Variants in RELN observed in about 807,000 individuals in gnomAD.
RELN encodes reelin.
A neutral mutation model predicts 427.6 loss-of-function variants in RELN; 108 were observed. The observed-to-expected ratio is 0.25, with a 90% CI of 0.22 to 0.30. The LOEUF (loss-of-function observed/expected upper bound fraction) is 0.30. Ranked by LOEUF, RELN falls within the 10% of genes least tolerant of loss-of-function variation. The pLI is 1.00. For missense variants in RELN, 3,715 were observed against 4,302.8 expected (o/e 0.86, Z 3.82); for synonymous variants, 1,524 against 1,513.4 (o/e 1.01, Z -0.16).
intron 46 of RELN, among the ~76,000 whole-genome samples, chr7:103,533,459 T>C (rs1829983475): frequency 6.6e-6 from 1 of 151,950 alleles, no homozygotes; most frequent in African/African-American, 2.4e-5. Flanking sequence ...ACTCTGAGAC[T>C]GGCATATTGT....
intron 1 of RELN, among the ~76,000 whole-genome samples, chr7:103,931,240 T>C (rs1795858232): frequency 4.6e-5 from 7 of 152,178 alleles, no homozygotes; most frequent in Admixed American, 4.6e-4. Flanking sequence ...GTCCAATATG[T>C]GAATACAAGG....
At chr7:103,675,195 C>G (rs1181981434) in intron 11 of RELN, among the ~76,000 whole-genome samples, 1 of 152,146 alleles carries the variant, frequency 6.6e-6, no homozygotes, top group Non-Finnish European at 1.5e-5. Flanking sequence ...AAAGACTCAG[C>G]ATACAAAATC....
chr7:103,964,785 A>C (rs2116801115), intron 1 of RELN, among the ~76,000 whole-genome samples: 1 of 152,338 alleles, frequency 6.6e-6, no homozygotes, highest in East Asian at 1.9e-4. Context: ...GTCCTCTAAA[A>C]TGGGACCACT....
intron 3 of RELN, among the ~76,000 whole-genome samples, chr7:103,777,781 C>T (rs1791781454): frequency 6.6e-6 from 1 of 152,004 alleles, no homozygotes. Flanking sequence ...TCCCCGTGGA[C>T]CCAAGTCTCT....
At chr7:103,594,592 G>A in intron 25 of RELN, 100 bp from the exon 26 acceptor site, 2 of 1,305,304 alleles carry the variant, frequency 1.5e-6, no homozygotes, top group Non-Finnish European at 2.2e-6. Context: ...GAAAAGTTTT[G>A]TTTGGTTTGA....
chr7:103,848,172 C>A (rs144975756), intron 2 of RELN, among the ~76,000 whole-genome samples: 1 of 152,262 alleles, frequency 6.6e-6, no homozygotes, highest in Non-Finnish European at 1.5e-5. Flanking sequence ...TTCATCACTT[C>A]TACTAGGGTT....
chr7:103,502,215 T>C (rs1829053226), intron 52 of RELN, among the ~76,000 whole-genome samples: 1 of 152,356 alleles, frequency 6.6e-6, no homozygotes, highest in South Asian at 2.1e-4. Flanking sequence ...TTCCTTAGTA[T>C]GTTAATTGAA....
At chr7:103,647,563 C>G (rs1832823093) in intron 16 of RELN, among the ~76,000 whole-genome samples, 1 of 146,450 alleles carries the variant, frequency 6.8e-6, no homozygotes, top group South Asian at 2.2e-4. Flanking sequence ...AGGACAAAAA[C>G]AAATGGAGAA....
chr7:103,611,120 G>A (rs1424384050), intron 21 of RELN, among the ~76,000 whole-genome samples: 2 of 152,146 alleles, frequency 1.3e-5, no homozygotes, highest in Non-Finnish European at 2.9e-5. Flanking sequence ...CTGGCATTTG[G>A]TAAAAATTAG....
chr7:103,580,288 G>A (rs144102097), intron 28 of RELN, among the ~76,000 whole-genome samples: 1 of 152,188 alleles, frequency 6.6e-6, no homozygotes, highest in Non-Finnish European at 1.5e-5. Flanking sequence ...TTTACTTGGG[G>A]TAAAGTAGAA....
rs55656324 is a variant in RELN at position 103,989,356 on chromosome 7, TGCCGCC to T, written c.-6_-1del. The T allele has an allele frequency of 3.6e-4, 504 of 1,408,074 alleles. 22 individuals carry two copies. Among genetic ancestry groups the T allele is most frequent in the African/African-American group, 3.3e-3 (213 of 64,970 alleles). 87.2% of individuals were successfully genotyped at this position (1,408,074 alleles called of 1,614,324 possible). A position where few individuals can be genotyped will look rare whatever the true frequency, so the allele number is the denominator to read the frequency against. The stretch of plus-strand genomic sequence containing the variant: ...TGCCGGGCCCAGCCACTGCGCTCCA[TGCCGCC>T]GCCGCCGCCGCCGCCGCCGCGCGCC... On this transcript the variant is annotated 5_prime_UTR_variant, in exon 1 of 65. Transcript: ENST00000428762. This position sits in a 1 kb window ranked among gnomAD's most constrained non-coding sequence, Gnocchi z 4.9.
chr7:103,917,224 T>G (rs780232357), intron 1 of RELN, 39 bp from the exon 2 acceptor site: 1 of 1,398,372 alleles, frequency 7.2e-7, no homozygotes, highest in Non-Finnish European at 1.0e-6. Flanking sequence ...CTCAATACAG[T>G]CAGAATAACA....
intron 29 of RELN, among the ~76,000 whole-genome samples, chr7:103,574,979 T>C (rs1195287332): frequency 6.6e-6 from 1 of 152,244 alleles, no homozygotes; most frequent in African/African-American, 2.4e-5. Flanking sequence ...TATCCTAAGA[T>C]GCATTTTTAT....
intron 1 of RELN, among the ~76,000 whole-genome samples, chr7:103,971,822 C>T (rs1761633737): frequency 6.8e-6 from 1 of 147,482 alleles, no homozygotes; most frequent in South Asian, 2.1e-4. Flanking sequence ...CCTGTAATCC[C>T]AGCACTTTGG....
At chr7:103,473,881 G>A (rs1827941784) in intron 64 of RELN, among the ~76,000 whole-genome samples, 1 of 152,116 alleles carries the variant, frequency 6.6e-6, no homozygotes, top group Admixed American at 6.5e-5. Flanking sequence ...CAAATTCACT[G>A]AGTTTCCTCA....
At chr7:103,478,940 G>A (rs1273938119) in intron 63 of RELN, among the ~76,000 whole-genome samples, 2 of 152,192 alleles carry the variant, frequency 1.3e-5, no homozygotes, top group Admixed American at 1.3e-4. Flanking sequence ...TGAGGGGATG[G>A]TCACGATGGA....
At chr7:103,682,898 G>C (rs1191946778) in intron 10 of RELN, among the ~76,000 whole-genome samples, 1 of 151,900 alleles carries the variant, frequency 6.6e-6, no homozygotes, top group Non-Finnish European at 1.5e-5. Context: ...TAAAAAATAA[G>C]GAAAATATAT....
intron 17 of RELN, among the ~76,000 whole-genome samples, chr7:103,637,818 C>A (rs1184394167): frequency 6.6e-6 from 1 of 152,066 alleles, no homozygotes; most frequent in Non-Finnish European, 1.5e-5. Context: ...TGTGTTTTAC[C>A]ACAGTCACGA....
intron 3 of RELN, among the ~76,000 whole-genome samples, chr7:103,831,280 C>T (rs769604835): frequency 3.9e-5 from 6 of 151,902 alleles, no homozygotes; most frequent in Non-Finnish European, 8.8e-5. Flanking sequence ...GAAAGCATAC[C>T]AAAAGAGTCA....
Sources: gnomAD v4.1 joint callset for allele counts (sites outside exome capture counted in the v4.1 genomes callset) on GRCh38, gnomAD v4.1.1 for gene constraint, Gnocchi (gnomAD v3.1) non-coding constraint, MANE v1.5 for transcripts, NCBI Gene and HGNC (gene_info 2026-07-23, HGNC 2026-07-21) for gene names.